The following DNAJC3 variants were observed in gnomAD, a reference collection of about 807,000 sequenced individuals.
The protein encoded by DNAJC3 is DnaJ heat shock protein family (Hsp40) member C3.
Under a neutral mutation model 68.6 loss-of-function variants are expected in DNAJC3, and 38 were observed. The ratio of observed to expected loss-of-function variants is 0.55; its 90% confidence interval spans 0.43 to 0.73. The LOEUF is 0.73. Ranked by LOEUF, DNAJC3 falls within the 30% of genes least tolerant of loss-of-function variation. DNAJC3 has a pLI of 0.00. For synonymous variants in DNAJC3, 203 were observed against 204.0 expected, an observed-to-expected ratio of 1.00 and a Z score of 0.04; for missense variants, 526 against 591.9, an observed-to-expected ratio of 0.89 and a Z score of 1.16.
chr13:95,743,350 GT>G (rs1882206773), intron 4 of DNAJC3, among the ~76,000 whole-genome samples: 1 of 152,192 alleles, frequency 6.6e-6, no homozygotes, highest in African/African-American at 2.4e-5. Flanking sequence ...TACAGAAATC[GT>G]TTGACTGGTT....
At chr13:95,742,061 G>C (rs1430677453) in intron 4 of DNAJC3, among the ~76,000 whole-genome samples, 1 of 152,194 alleles carries the variant, frequency 6.6e-6, no homozygotes, top group Admixed American at 6.5e-5. Context: ...GTAAGGCGGG[G>C]ATTTTTTCAG....
chr13:95,739,739 T>A (rs1374152323), intron 4 of DNAJC3, among the ~76,000 whole-genome samples: 5 of 151,988 alleles, frequency 3.3e-5, no homozygotes, highest in African/African-American at 1.2e-4. Context: ...GTTTTCAACC[T>A]CTTTGCCTTT....
At chr13:95,790,104 GTTTAA>G (rs1883721122) in intron 11 of DNAJC3, among the ~76,000 whole-genome samples, 1 of 152,066 alleles carries the variant, frequency 6.6e-6, no homozygotes, top group Non-Finnish European at 1.5e-5. Flanking sequence ...AAGCTCTTTA[GTTTAA>G]TTAGATCTCA....
At chr13:95,716,611 A>G (rs954735456) in intron 2 of DNAJC3, among the ~76,000 whole-genome samples, 1 of 152,018 alleles carries the variant, frequency 6.6e-6, no homozygotes, top group Non-Finnish European at 1.5e-5. Flanking sequence ...ATGGATAGGG[A>G]GCCGGAAGTG....
At chr13:95,764,319 T>G (rs1882907728) in intron 9 of DNAJC3, among the ~76,000 whole-genome samples, 1 of 150,612 alleles carries the variant, frequency 6.6e-6, no homozygotes, top group Admixed American at 6.6e-5. Context: ...GCACATATAT[T>G]ACTCTATATT....
rs200270585 is a variant in DNAJC3 at position 95,701,802 on chromosome 13, CTG to C, written c.83-7421_83-7420del. Among the ~76,000 whole-genome samples the C allele has an allele frequency of 2.0e-5, 3 of 152,174 alleles. No individual in the cohort carries two copies. The East Asian group carries it at 5.8e-4, about 29-fold the overall frequency. On this transcript the variant is annotated intron_variant, in intron 1 of 11. Coordinates refer to ENST00000602402, the MANE Select transcript of DNAJC3 (RefSeq NM_006260.5). ...AAGTTTAAATTTTATTTAATTTTAA[CTG>C]TGTTAGGTGCTTTAACTTGTGCCCT...
At chr13:95,783,708 T>C (rs567173218) in intron 9 of DNAJC3, among the ~76,000 whole-genome samples, 4 of 152,306 alleles carry the variant, frequency 2.6e-5, no homozygotes, top group African/African-American at 9.6e-5. Flanking sequence ...TTTCTGTACG[T>C]AGTGTGTAGC....
intron 4 of DNAJC3, among the ~76,000 whole-genome samples, chr13:95,744,511 A>G (rs1302786599): frequency 6.6e-6 from 1 of 152,214 alleles, no homozygotes; most frequent in African/African-American, 2.4e-5. Flanking sequence ...TTTTATGTTA[A>G]GCTTTGTTTG....
At position 95,757,784 on chromosome 13, in the gene DNAJC3, T is replaced by C; in HGVS notation, c.534T>C (p.Asp178=). 1 of 1,541,526 alleles carries C rather than the reference T, an allele frequency of 6.5e-7. No individual in the cohort carries two copies. The highest frequency in any genetic ancestry group is 8.9e-7 in the Non-Finnish European group (1 of 1,127,030). The change falls in exon 5 of 12, where the codon GAT becomes GAC. Residue 178 remains aspartate (D), a synonymous_variant. Coordinates refer to ENST00000602402, the MANE Select transcript of DNAJC3 (RefSeq NM_006260.5). ...ATACTGCTGCTATAGCCTTCCTTGA[T>C]AAGATTTTAGAGGTAAGTTTCTTAG... The part of the protein sequence containing the change: ...GDYTAAIAFL[D]KILEVCVWDA...
intron 1 of DNAJC3, chr13:95,694,548 A>G (rs1398431563): frequency 6.6e-6 from 1 of 152,574 alleles, no homozygotes; most frequent in Non-Finnish European, 1.5e-5. Flanking sequence ...TAATCATTGT[A>G]CTTCAACTAT....
At position 95,740,962 on chromosome 13, in the gene DNAJC3, T is replaced by C. The variant is rs1239909646; in HGVS notation, c.393+15710T>C. 3.9e-5 allele frequency among the ~76,000 whole-genome samples: 6 copies of C among 152,358 alleles called. No homozygotes were observed. The East Asian group carries it at 1.2e-3, about 29-fold the overall frequency. ...TTTTTCATTCATACCCTGGATTGTT[T>C]TTCTAATTTCTTTGTATTGTCTATC... is the stretch of plus-strand genomic sequence containing the variant. On this transcript the variant is annotated intron_variant, in intron 4 of 11. Transcript: ENST00000602402.
chr13:95,773,152 G>GTT (rs1191609072), intron 9 of DNAJC3, among the ~76,000 whole-genome samples: 9,587 of 97,232 alleles, frequency 0.099, 429 homozygotes, highest in Admixed American at 0.13. Context: ...GACAAATTTA[G>GTT]TTTTTTTTTT....
Position 95,735,782 on chromosome 13 carries a change from T to G in DNAJC3, c.393+10530T>G, listed in dbSNP as rs1484916365. ...CCCATTTTGTAGGTTGCCTGTTCACTCTGATGATAGTTTCTTTTGCTGTGC... is the reference window on the plus strand; with the variant it reads ...CCCATTTTGTAGGTTGCCTGTTCACGCTGATGATAGTTTCTTTTGCTGTGC... On this transcript the variant is annotated intron_variant, in intron 4 of 11. Coordinates refer to ENST00000602402, the MANE Select transcript of DNAJC3 (RefSeq NM_006260.5). Among the ~76,000 whole-genome samples, 5 of 152,250 alleles carry G rather than the reference T, an allele frequency of 3.3e-5. No homozygotes were observed. In the East Asian group the frequency reaches 5.8e-4, roughly 18 times the overall value.
rs1879891741 is a variant in DNAJC3, at chr13:95,680,830, G to A, written c.82+3493G>A. Among the ~76,000 whole-genome samples, 2 of 152,056 alleles carry A rather than the reference G, an allele frequency of 1.3e-5. 1 individual carries two copies. Among genetic ancestry groups the A allele is most frequent in the South Asian group, 4.1e-4 (2 of 4,830 alleles). Reference sequence around the variant, plus strand: ...TCCTGCAGTTAATCTTTGTTTATATGGAAGTATCATGGGAACCCATTCACC... The same window carrying A: ...TCCTGCAGTTAATCTTTGTTTATATAGAAGTATCATGGGAACCCATTCACC... On this transcript the variant is annotated intron_variant, in intron 1 of 11. Transcript: ENST00000602402.
intron 5 of DNAJC3, among the ~76,000 whole-genome samples, chr13:95,759,747 C>T (rs944953232): frequency 6.6e-6 from 1 of 152,150 alleles, no homozygotes; most frequent in Admixed American, 6.5e-5. Context: ...TTCTTATTTT[C>T]AGTGTCTTAG....
At chr13:95,707,678 A>G (rs185893368) in intron 1 of DNAJC3, among the ~76,000 whole-genome samples, 125 of 152,292 alleles carry the variant, frequency 8.2e-4, no homozygotes, top group African/African-American at 3.0e-3. Context: ...TTACTTAGAA[A>G]GGGGAAGTTT....
chr13:95,725,327 C>T, intron 4 of DNAJC3, 75 bp downstream of exon 4: 2 of 1,069,588 alleles, frequency 1.9e-6, no homozygotes, highest in Non-Finnish European at 1.3e-6. Context: ...TATATTATGA[C>T]AGTTAATAGT....
chr13:95,723,381 ACTTT>A lies in DNAJC3; in HGVS notation c.318+20_318+23del, dbSNP rs1443093665. The A allele has an allele frequency of 6.2e-7, 1 of 1,602,284 alleles. No individual in the cohort carries two copies. Among genetic ancestry groups the A allele is most frequent in the African/African-American group, 1.3e-5 (1 of 74,592 alleles). On this transcript the variant is annotated intron_variant, in intron 3 of 11. Transcript: ENST00000602402. ...ACTTCACTGCAGTAAGTATATCTCA[ACTTT>A]CTTTAAAGGGGAACTTAACAGAACT...
intron 1 of DNAJC3, among the ~76,000 whole-genome samples, chr13:95,679,574 C>T (rs1191844084): frequency 3.9e-5 from 6 of 152,154 alleles, no homozygotes; most frequent in Admixed American, 3.9e-4. Flanking sequence ...ATTCACTAAT[C>T]TCATAGTTCT....
Sources: allele counts gnomAD v4.1 joint callset (sites outside exome capture counted in the v4.1 genomes callset), GRCh38; gene constraint gnomAD v4.1.1; transcripts MANE v1.5; gene names NCBI Gene and HGNC (gene_info 2026-07-23, HGNC 2026-07-21).